The following GCN1 variants were observed in gnomAD, a reference collection of about 807,000 sequenced individuals.
The protein encoded by GCN1 is stalled ribosome sensor GCN1.
GCN1 carries 90 observed loss-of-function variants against 288.4 expected under a neutral mutation model. The ratio of observed to expected loss-of-function variants is 0.31; its 90% CI spans 0.26 to 0.37. GCN1 has a LOEUF of 0.37. Among genes scored for constraint, GCN1 ranks in the 10% least tolerant of loss-of-function variants. The probability of loss-of-function intolerance (pLI) is 1.00; values close to 1 mark genes in which losing one functional copy is unlikely to be tolerated. For synonymous variants in GCN1, 1,386 were observed against 1,420.2 expected, an observed-to-expected ratio of 0.98 and a Z score of 0.54; for missense variants, 2,586 against 3,419.9, an observed-to-expected ratio of 0.76 and a Z score of 6.08.
Position 120,137,472 on chromosome 12 carries a change from A to C in GCN1, c.6663+73T>G. 2 of 1,534,842 alleles carry C rather than the reference A, an allele frequency of 1.3e-6. No homozygotes were observed. The highest frequency in any genetic ancestry group is 1.8e-6 in the Non-Finnish European group (2 of 1,114,402). On this transcript the variant is annotated intron_variant, in intron 49 of 57. Coordinates refer to ENST00000300648, the MANE Select transcript of GCN1 (RefSeq NM_006836.2). This position sits in a 1 kb window ranked among gnomAD's most constrained non-coding sequence, Gnocchi z 5.2. ...AGTGACAGGTACGTGGGGGATTCTT[A>C]TAAGTCTATTCCTGTAAATGTCTGG...
intron 9 of GCN1, among the ~76,000 whole-genome samples, 169 bp from the exon 10 acceptor site, chr12:120,176,386 A>T (rs996489025): frequency 1.3e-5 from 2 of 152,102 alleles, no homozygotes; most frequent in Non-Finnish European, 2.9e-5. Context: ...ATACCTCCCC[A>T]TCCCGATCAG....
intron 20 of GCN1, 129 bp downstream of exon 20, chr12:120,162,718 G>T: frequency 9.6e-7 from 1 of 1,041,792 alleles, no homozygotes; most frequent in Non-Finnish European, 1.4e-6. Flanking sequence ...TTTCTGTCAC[G>T]TGCAACCAAG....
Position 120,131,997 on chromosome 12 carries a change from C to T in GCN1, c.7343G>A (p.Gly2448Glu). ...AAAGGCACACAGTTCCCCTAGGCAC[C>T]CGGCTGAGGAGATGCGAGTGTTGTC... The part of the protein sequence containing the change: ...DEDNTRISSA[G>E]CLGELCAFLT... Residue 2448 changes from glycine to glutamate, a missense_variant, in exon 54 of 58, where the codon GGG (glycine) becomes GAG (glutamate). Around this residue, in one of 8 missense-constraint regions of GCN1, gnomAD observed 355 missense variants for 431.1 expected, o/e 0.82. Transcript: ENST00000300648. 1.9e-6 allele frequency: 3 copies of T among 1,599,122 alleles called. No homozygotes were observed. The highest frequency in any genetic ancestry group is 2.6e-6 in the Non-Finnish European group (3 of 1,171,676).
At chr12:120,180,947 G>A (rs1410051365) in intron 5 of GCN1, among the ~76,000 whole-genome samples, 1 of 149,834 alleles carries the variant, frequency 6.7e-6, no homozygotes, top group East Asian at 2.0e-4. Flanking sequence ...CCGAGATTGC[G>A]CCTCACTGCA....
intron 55 of GCN1, among the ~76,000 whole-genome samples, 200 bp downstream of exon 55, chr12:120,130,985 A>C (rs1430608357): frequency 6.6e-6 from 1 of 152,134 alleles, no homozygotes; most frequent in Non-Finnish European, 1.5e-5. Flanking sequence ...AGATTCTTCA[A>C]CCCAAATTCC....
chr12:120,186,374 CAA>C (rs1018649165), intron 2 of GCN1, among the ~76,000 whole-genome samples: 9 of 130,932 alleles, frequency 6.9e-5, no homozygotes, highest in Admixed American at 1.6e-4. Context: ...GACTCCATCT[CAA>C]AAAAAAAAAA....
In GCN1 at chr12:120,134,420, C is replaced by A; in HGVS notation, c.7203-15G>T. 6.2e-7 allele frequency: 1 copy of A among 1,607,502 alleles called. No individual in the cohort carries two copies. The highest frequency in any genetic ancestry group is 8.5e-7 in the Non-Finnish European group (1 of 1,174,138). On this transcript the variant is annotated splice_polypyrimidine_tract_variant and intron_variant, in intron 52 of 57. Transcript: ENST00000300648. The surrounding 1 kb of genome is among the most constrained non-coding windows in gnomAD (Gnocchi z 5.0). ...GCATGGTGTCCCTGCAGAAGCAATGCACCGCCTTAAGCCCTGGGTGCCTCC... is the reference window on the plus strand; with the variant it reads ...GCATGGTGTCCCTGCAGAAGCAATGAACCGCCTTAAGCCCTGGGTGCCTCC...
chr12:120,134,825 A>C lies in GCN1; in HGVS notation c.7009-99T>G. The C allele has an allele frequency of 1.0e-6, 1 of 983,388 alleles. No individual in the cohort carries two copies. The highest frequency in any genetic ancestry group is 2.5e-5 in the East Asian group (1 of 40,760). 60.9% of individuals were successfully genotyped at this position (983,388 alleles called of 1,614,324 possible). On this transcript the variant is annotated intron_variant, in intron 51 of 57. Coordinates refer to ENST00000300648, the MANE Select transcript of GCN1 (RefSeq NM_006836.2). This position sits in a 1 kb window ranked among gnomAD's most constrained non-coding sequence, Gnocchi z 5.0. ...ACAAATGACAATCCCAAACCACCAC[A>C]GCGAGTCCAGCTCTCATACAGGGCT...
chr12:120,184,887 T>C lies in GCN1; in HGVS notation c.122A>G (p.Asp41Gly). 1 of 1,604,732 alleles carries C rather than the reference T, an allele frequency of 6.2e-7. No individual in the cohort carries two copies. Among genetic ancestry groups the C allele is most frequent in the Non-Finnish European group, 8.5e-7 (1 of 1,171,928 alleles). Residue 41 changes from aspartate to glycine, a missense_variant and splice_region_variant, in exon 3 of 58, where the codon GAT (aspartate) becomes GGT (glycine). By Grantham distance (94) the Asp-to-Gly change is moderately conservative (BLOSUM62 -1). Coordinates refer to ENST00000300648, the MANE Select transcript of GCN1 (RefSeq NM_006836.2). Reference sequence around the variant, plus strand: ...CCCCTTCACTGCTCCCTCTGGAAGATCTGAAACCAGAGATTACACAGACAG... The same window carrying C: ...CCCCTTCACTGCTCCCTCTGGAAGACCTGAAACCAGAGATTACACAGACAG... ...SELGKCVAGKDLPEGAVKGLC... is the reference protein window; with the variant it reads ...SELGKCVAGKGLPEGAVKGLC...
chr12:120,168,078 C>T (rs1878190687), intron 16 of GCN1, 130 bp downstream of exon 16: 2 of 692,508 alleles, frequency 2.9e-6, no homozygotes, highest in Non-Finnish European at 5.3e-6. Flanking sequence ...AACAGCTAAG[C>T]TGTTGGCCAG....
rs775040970 is a variant in GCN1 at position 120,163,126 on chromosome 12, G to C, written c.1982C>G (p.Thr661Ser). 3 of 1,614,200 alleles carry C rather than the reference G, an allele frequency of 1.9e-6. No individual in the cohort carries two copies. In the South Asian group the frequency reaches 3.3e-5, roughly 18 times the overall value. Residue 661 changes from threonine to serine, a missense_variant, in exon 19 of 58, where the codon ACC (threonine) becomes AGC (serine). Thr to Ser is a moderately conservative substitution (Grantham distance 58). Transcript: ENST00000300648. ...TTCCTGGGCCAGTTGTTCAGTGTCG[G>C]TGACATCACCCTTGAGCCCTGGCAC... ...SGVPGLKGDV[T>S]DTEQLAQEML...
chr12:120,136,012 G>A (rs1006727087), intron 51 of GCN1, among the ~76,000 whole-genome samples: 4 of 151,810 alleles, frequency 2.6e-5, no homozygotes, highest in East Asian at 1.9e-4. Flanking sequence ...GTTAGACTCT[G>A]TCTCAAAAAC....
intron 9 of GCN1, 130 bp from the exon 10 acceptor site, chr12:120,176,347 G>A (rs780386570): frequency 6.1e-6 from 4 of 652,020 alleles, no homozygotes; most frequent in African/African-American, 3.6e-5. Context: ...GGCTACATGA[G>A]TAGTCCCAAA....
At chr12:120,186,769 C>T (rs925057886) in intron 2 of GCN1, among the ~76,000 whole-genome samples, 2 of 152,176 alleles carry the variant, frequency 1.3e-5, no homozygotes, top group Non-Finnish European at 2.9e-5. Flanking sequence ...CCAGACAATG[C>T]GTTACATTTA....
chr12:120,161,482 G>T lies in GCN1; in HGVS notation c.2436+8C>A. On this transcript the variant is annotated splice_region_variant and intron_variant, in intron 22 of 57. Coordinates refer to ENST00000300648, the MANE Select transcript of GCN1 (RefSeq NM_006836.2). ...AGCCACCTTCCGTAAGTGCCTCCGTGTACTCACCTCCTTCAGCTCCAGCTC... is the reference window on the plus strand; with the variant it reads ...AGCCACCTTCCGTAAGTGCCTCCGTTTACTCACCTCCTTCAGCTCCAGCTC... 3 of 1,599,274 alleles carry T rather than the reference G, an allele frequency of 1.9e-6. No individual in the cohort carries two copies. Among genetic ancestry groups the T allele is most frequent in the Non-Finnish European group, 2.6e-6 (3 of 1,166,438 alleles).
At chr12:120,193,446 C>A (rs1255862250) in intron 1 of GCN1, among the ~76,000 whole-genome samples, 3 of 152,144 alleles carry the variant, frequency 2.0e-5, no homozygotes, top group African/African-American at 7.2e-5. Flanking sequence ...GCTGGAATTA[C>A]AGACATGCCA....
chr12:120,138,410 G>T lies in GCN1; in HGVS notation c.6162C>A (p.Asp2054Glu). Reference protein sequence around the residue: ...ILPFLLKQLDDEEVSEFALDG... With the variant: ...ILPFLLKQLDEEEVSEFALDG... The stretch of plus-strand genomic sequence containing the variant: ...CCAAGGCAAACTCTGACACCTCCTC[G>T]TCATCCTGCAGAGGGTGTTGGGGAC... Residue 2054 changes from aspartate (D) to glutamate (E), a missense_variant, in exon 47 of 58, where the codon GAC becomes GAA. Coordinates refer to ENST00000300648, the MANE Select transcript of GCN1 (RefSeq NM_006836.2). 1 of 1,594,188 alleles carries T rather than the reference G, an allele frequency of 6.3e-7. No homozygotes were observed. The highest frequency in any genetic ancestry group is 8.6e-7 in the Non-Finnish European group (1 of 1,161,786).
chr12:120,179,646 G>A (rs1017846763), intron 5 of GCN1, among the ~76,000 whole-genome samples: 13 of 151,992 alleles, frequency 8.6e-5, no homozygotes, highest in African/African-American at 2.7e-4. Context: ...TGATCCGCCC[G>A]CCTCGGCCTC....
At chr12:120,166,598 G>T (rs1342431650) in intron 16 of GCN1, among the ~76,000 whole-genome samples, 2 of 147,526 alleles carry the variant, frequency 1.4e-5, no homozygotes, top group East Asian at 4.0e-4. Flanking sequence ...CAGCTACTCA[G>T]GAGGCTGAGG....
Sources: gnomAD v4.1 joint callset for allele counts (sites outside exome capture counted in the v4.1 genomes callset) on GRCh38, gnomAD v4.1.1 for gene constraint, gnomAD v4.1.1 regional missense constraint, Gnocchi (gnomAD v3.1) non-coding constraint, MANE v1.5 for transcripts, NCBI Gene and HGNC (gene_info 2026-07-23, HGNC 2026-07-21) for gene names.